Variants in ANKRD26 observed in about 807,000 individuals in gnomAD.
ANKRD26 encodes the protein ankyrin repeat domain 26, also known as ankyrin repeat domain-containing protein 26.
Under a neutral mutation model 208.7 loss-of-function variants are expected in ANKRD26, and 141 were observed. The ratio of observed to expected loss-of-function variants is 0.68; its 90% CI spans 0.59 to 0.78. ANKRD26 has a LOEUF of 0.78. Ranked by LOEUF, ANKRD26 falls within the 30% of genes least tolerant of loss-of-function variation. ANKRD26 has a pLI of 0.00. For synonymous variants in ANKRD26, 636 were observed against 660.4 expected, an observed-to-expected ratio of 0.96 and a Z score of 0.57; for missense variants, 1,889 against 1,938.7, an observed-to-expected ratio of 0.97 and a Z score of 0.48.
At chr10:27,057,485 TTGTG>T (rs983377009) in intron 15 of ANKRD26, among the ~76,000 whole-genome samples, 8 of 152,094 alleles carry the variant, frequency 5.3e-5, no homozygotes, top group African/African-American at 1.7e-4. Flanking sequence ...GATGACAGTA[TTGTG>T]TGTGTGTGTT....
downstream of ANKRD26, among the ~76,000 whole-genome samples, chr10:26,999,716 CTCT>C (rs2052676599): frequency 6.7e-6 from 1 of 149,020 alleles, no homozygotes; most frequent in Non-Finnish European, 1.5e-5. Flanking sequence ...AAGCATGGTG[CTCT>C]TTTTTCCTTT....
chr10:27,006,660 C>T (rs954481692), intron 33 of ANKRD26, among the ~76,000 whole-genome samples: 2 of 145,560 alleles, frequency 1.4e-5, no homozygotes, highest in Middle Eastern at 3.6e-3. Flanking sequence ...AGTGTAGAGC[C>T]GGAAAAAAAA....
intron 20 of ANKRD26, among the ~76,000 whole-genome samples, chr10:27,041,008 G>A (rs1420451366): frequency 6.6e-6 from 1 of 150,760 alleles, no homozygotes; most frequent in African/African-American, 2.4e-5. Context: ...TCCAGCCTGG[G>A]CAACAGAGCG....
intron 7 of ANKRD26, among the ~76,000 whole-genome samples, chr10:27,078,689 T>G (rs1462042379): frequency 1.3e-5 from 2 of 152,154 alleles, no homozygotes; most frequent in Non-Finnish European, 2.9e-5. Flanking sequence ...ACCTGAAAGC[T>G]GTAACATTCT....
At chr10:27,100,062 T>A (rs2135794512) in intron 1 of ANKRD26, 23 bp downstream of exon 1, 1 of 1,613,286 alleles carries the variant, frequency 6.2e-7, no homozygotes, top group East Asian at 2.2e-5. Context: ...TGGCACTCAG[T>A]CCGGGCTTGC....
At chr10:27,062,668 T>C (rs938423462) in intron 12 of ANKRD26, among the ~76,000 whole-genome samples, 1 of 152,222 alleles carries the variant, frequency 6.6e-6, no homozygotes, top group African/African-American at 2.4e-5. Flanking sequence ...AATCATAGTA[T>C]GGCTTCCTTG....
chr10:26,957,582 C>G, the ANKRD26 span, among the ~76,000 whole-genome samples: 1 of 152,020 alleles, frequency 6.6e-6, no homozygotes, highest in African/African-American at 2.4e-5. Context: ...GAAACAAGTT[C>G]AGGGTATGGT....
At chr10:27,012,622 C>T (rs2053153128) in intron 32 of ANKRD26, among the ~76,000 whole-genome samples, 1 of 152,026 alleles carries the variant, frequency 6.6e-6, no homozygotes. Flanking sequence ...TGAGACCAGC[C>T]TGGCAATATG....
the ANKRD26 span, among the ~76,000 whole-genome samples, chr10:26,948,302 C>T: frequency 6.6e-6 from 1 of 152,064 alleles, no homozygotes; most frequent in Non-Finnish European, 1.5e-5. Context: ...TATCTGCCCA[C>T]GTTATTTACC....
the ANKRD26 span, among the ~76,000 whole-genome samples, chr10:26,954,669 T>C: frequency 1.1e-3 from 166 of 152,326 alleles, no homozygotes; most frequent in Non-Finnish European, 2.0e-3. Flanking sequence ...ATAGTTGTAT[T>C]AATACACCTA....
chr10:27,034,020 T>C (rs1205013369), intron 24 of ANKRD26, among the ~76,000 whole-genome samples: 7 of 152,204 alleles, frequency 4.6e-5, no homozygotes, highest in Admixed American at 4.6e-4. Flanking sequence ...CTTATCTTTA[T>C]ACTGAACAAA....
intron 9 of ANKRD26, among the ~76,000 whole-genome samples, chr10:27,071,721 G>A (rs1024361530): frequency 2.6e-5 from 4 of 152,138 alleles, no homozygotes; most frequent in African/African-American, 9.7e-5. Context: ...GAACCAGGTA[G>A]AAAATCGTGA....
At chr10:27,079,491 T>C (rs1224866122) in intron 6 of ANKRD26, among the ~76,000 whole-genome samples, 1 of 152,230 alleles carries the variant, frequency 6.6e-6, no homozygotes, top group African/African-American at 2.4e-5. Flanking sequence ...TCCCGAAGGC[T>C]GAACTGAAAA....
downstream of ANKRD26, among the ~76,000 whole-genome samples, chr10:26,988,700 G>A (rs2052431768): frequency 6.6e-6 from 1 of 152,036 alleles, no homozygotes; most frequent in Non-Finnish European, 1.5e-5. Flanking sequence ...AGAAGGGTAT[G>A]TGAGTGTCTA....
In ANKRD26 at chr10:27,014,731, T is replaced by C; in HGVS notation, c.4507-20A>G. 1 of 1,596,258 alleles carries C rather than the reference T, an allele frequency of 6.3e-7. No homozygotes were observed. The highest frequency in any genetic ancestry group is 2.2e-5 in the East Asian group (1 of 44,578). ...TTGTGCCTAAAACAAATTAAAAGCA[T>C]ATGTTTTAAAAATATATAACCTGAG... is the stretch of plus-strand genomic sequence containing the variant. On this transcript the variant is annotated intron_variant, in intron 30 of 33. Transcript: ENST00000376087.
chr10:26,988,056 ACTTTC>A (rs2052419889), downstream of ANKRD26, among the ~76,000 whole-genome samples: 1 of 152,076 alleles, frequency 6.6e-6, no homozygotes, highest in Non-Finnish European at 1.5e-5. Flanking sequence ...GCATTTTGAA[ACTTTC>A]CTTTATTTGT....
exon 6 of ANKRD26, among the ~76,000 whole-genome samples, chr10:26,975,402 CTTTTTTTTT>C (rs60226106): frequency 4.4e-5 from 4 of 90,474 alleles, no homozygotes; most frequent in Admixed American, 1.5e-4. Context: ...CTAATTTTTG[CTTTTTTTTT>C]TTTTTTTTTG....
intron 1 of ANKRD26, 82 bp downstream of exon 1, chr10:27,100,003 C>A: frequency 6.2e-7 from 1 of 1,601,652 alleles, no homozygotes. Context: ...GATCCAGGCC[C>A]TGGGTGGCTC....
At chr10:27,009,974 T>C (rs1040174871) in intron 32 of ANKRD26, among the ~76,000 whole-genome samples, 2 of 152,172 alleles carry the variant, frequency 1.3e-5, no homozygotes, top group African/African-American at 4.8e-5. Flanking sequence ...TCATAACCAG[T>C]AGTTTTCAAA....
Sources: gnomAD v4.1 joint callset for allele counts (sites outside exome capture counted in the v4.1 genomes callset) on GRCh38, gnomAD v4.1.1 for gene constraint, MANE v1.5 for transcripts, NCBI Gene and HGNC (gene_info 2026-07-23, HGNC 2026-07-21) for gene names.